Variants in KIAA1549L observed in about 807,000 individuals in gnomAD.
KIAA1549L encodes the protein UPF0606 protein KIAA1549L.
KIAA1549L carries 88 observed loss-of-function variants against 160.7 expected under a neutral mutation model. The observed-to-expected ratio is 0.55, with a 90% CI of 0.46 to 0.65. KIAA1549L has a LOEUF of 0.65. Among genes scored for constraint, KIAA1549L ranks in the 30% least tolerant of loss-of-function variants. The probability of loss-of-function intolerance (pLI) is 0.00; values close to 1 mark genes in which losing one functional copy is unlikely to be tolerated. For missense variants in KIAA1549L, 2,258 were observed against 2,437.5 expected (o/e 0.93, Z 1.55); for synonymous variants, 950 against 976.7 (o/e 0.97, Z 0.51).
rs184055692 is a variant in KIAA1549L at position 33,670,249 on chromosome 11, G to A, written c.*2095G>A. Reference sequence around the variant, plus strand: ...TACTTGGTAAATGCCTGGAAATACTGTATGTGAAAATGATGTTTCAAGATC... The same window carrying A: ...TACTTGGTAAATGCCTGGAAATACTATATGTGAAAATGATGTTTCAAGATC... On this transcript the variant is annotated 3_prime_UTR_variant, in exon 21 of 21. Transcript: ENST00000658780. The A allele has an allele frequency of 6.6e-6, 1 of 152,314 alleles. No individual in the cohort carries two copies. Among genetic ancestry groups the A allele is most frequent in the East Asian group, 1.9e-4 (1 of 5,186 alleles). The allele number at this position is 152,314 out of a possible 1,614,324, so 9.4% of individuals were successfully genotyped here. A position where few individuals can be genotyped will look rare whatever the true frequency, so the allele number is the denominator to read the frequency against.
At chr11:33,540,016 A>G (rs1348594449) in intron 1 of KIAA1549L, among the ~76,000 whole-genome samples, 2 of 152,246 alleles carry the variant, frequency 1.3e-5, no homozygotes, top group African/African-American at 4.8e-5. Flanking sequence ...AAGGTCCAGT[A>G]GAAGCAAATC....
chr11:33,390,557 G>A (rs1478697301), intron 1 of KIAA1549L, among the ~76,000 whole-genome samples: 1 of 152,194 alleles, frequency 6.6e-6, no homozygotes, highest in Admixed American at 6.5e-5. Context: ...AATGGAATTA[G>A]GGAAACTACC....
intron 9 of KIAA1549L, among the ~76,000 whole-genome samples, chr11:33,573,426 A>G (rs981553764): frequency 1.3e-5 from 2 of 152,102 alleles, no homozygotes; most frequent in South Asian, 2.1e-4. Context: ...TTAACTTTAT[A>G]TTTTGTGATT....
intron 15 of KIAA1549L, among the ~76,000 whole-genome samples, chr11:33,612,232 C>T (rs1850665893): frequency 6.6e-6 from 1 of 152,140 alleles, no homozygotes; most frequent in Non-Finnish European, 1.5e-5. Flanking sequence ...TTATTCTTGA[C>T]ACACTCTGCT....
chr11:33,587,291 C>T (rs1283253361), intron 11 of KIAA1549L, among the ~76,000 whole-genome samples: 2 of 152,148 alleles, frequency 1.3e-5, no homozygotes, highest in Admixed American at 6.5e-5. Context: ...ATAGCTACTT[C>T]ATGATATTTT....
rs564756533 is a variant in KIAA1549L, at chr11:33,654,566, T to C, written c.5761-1446T>C. 2.6e-4 allele frequency among the ~76,000 whole-genome samples: 40 copies of C among 152,326 alleles called. 1 individual carries two copies. The highest frequency in any genetic ancestry group is 1.2e-3 in the East Asian group (6 of 5,184). On this transcript the variant is annotated intron_variant, in intron 17 of 20. Transcript: ENST00000658780. ...ATCCTCCCTCCCTAGAAGGGACCAA[T>C]GCTAGCCTCCTTTTGTGTTGGAGGT...
chr11:33,536,928 A>G (rs1478698814), intron 1 of KIAA1549L, among the ~76,000 whole-genome samples: 1 of 152,190 alleles, frequency 6.6e-6, no homozygotes, highest in Non-Finnish European at 1.5e-5. Flanking sequence ...TTTCCAAAAC[A>G]GAAATTTGCT....
intron 8 of KIAA1549L, among the ~76,000 whole-genome samples, chr11:33,563,553 G>A (rs185543909): frequency 3.9e-4 from 60 of 152,156 alleles, no homozygotes; most frequent in African/African-American, 1.4e-3. Context: ...ACTAAGGACT[G>A]TACACCCCTG....
intron 1 of KIAA1549L, among the ~76,000 whole-genome samples, chr11:33,450,094 G>A (rs923008963): frequency 6.6e-6 from 1 of 152,170 alleles, no homozygotes; most frequent in African/African-American, 2.4e-5. Flanking sequence ...AGTTTGTTCA[G>A]TCTGATAACA....
At chr11:33,519,876 C>T (rs958746385) in intron 1 of KIAA1549L, among the ~76,000 whole-genome samples, 1 of 151,962 alleles carries the variant, frequency 6.6e-6, no homozygotes, top group African/African-American at 2.4e-5. Context: ...CCGACCCCAG[C>T]AGTAAGAGGT....
rs1281981004 is a variant in KIAA1549L, at chr11:33,630,301, G to A, written c.5409+11639G>A. Among the ~76,000 whole-genome samples the A allele has an allele frequency of 2.0e-5, 3 of 152,272 alleles. No individual in the cohort carries two copies. The East Asian group carries it at 5.8e-4, about 29-fold the overall frequency. On this transcript the variant is annotated intron_variant, in intron 16 of 20. Transcript: ENST00000658780. ...GGCAGGCCTCCTTGAGCTGTGGTGG[G>A]CTCCACCCAGTTCGAGCTTCCCGGC... is the stretch of plus-strand genomic sequence containing the variant.
intron 1 of KIAA1549L, among the ~76,000 whole-genome samples, chr11:33,520,684 A>AC (rs1853464753): frequency 1.3e-4 from 11 of 84,794 alleles, no homozygotes; most frequent in South Asian, 5.3e-4. Flanking sequence ...CCCCACCCCC[A>AC]ACACACACAC....
intron 1 of KIAA1549L, among the ~76,000 whole-genome samples, chr11:33,450,487 G>A (rs1851697448): frequency 6.6e-6 from 1 of 152,060 alleles, no homozygotes; most frequent in Non-Finnish European, 1.5e-5. Flanking sequence ...TTGAGGCTGG[G>A]AATCTGGGGC....
At chr11:33,607,754 T>C (rs996707136) in intron 14 of KIAA1549L, among the ~76,000 whole-genome samples, 1 of 152,188 alleles carries the variant, frequency 6.6e-6, no homozygotes, top group Admixed American at 6.5e-5. Context: ...CCAGGTATTG[T>C]AAATACGCAG....
At position 33,396,917 on chromosome 11, in the gene KIAA1549L, T is replaced by C. The variant is rs189420325; in HGVS notation, c.238+20028T>C. Reference sequence around the variant, plus strand: ...GTGAGCCGAGGTTGCGCCATTGCACTCCAGCCTTGGTGACAAAGTGAGACT... The same window carrying C: ...GTGAGCCGAGGTTGCGCCATTGCACCCCAGCCTTGGTGACAAAGTGAGACT... On this transcript the variant is annotated intron_variant, in intron 1 of 20. Coordinates refer to ENST00000658780, the MANE Select transcript of KIAA1549L (RefSeq NM_012194.3). Among the ~76,000 whole-genome samples the C allele has an allele frequency of 9.7e-3, 1,439 of 147,822 alleles. 9 individuals are homozygous for C. Among genetic ancestry groups the C allele is most frequent in the Non-Finnish European group, 0.016 (1,055 of 67,166 alleles).
At chr11:33,643,254 A>G (rs774884288) in intron 16 of KIAA1549L, among the ~76,000 whole-genome samples, 12 of 152,072 alleles carry the variant, frequency 7.9e-5, no homozygotes, top group Non-Finnish European at 1.8e-4. Flanking sequence ...GGTAGCACTT[A>G]TGTATGTGTG....
At chr11:33,631,700 A>G (rs1454913954) in intron 16 of KIAA1549L, among the ~76,000 whole-genome samples, 2 of 152,254 alleles carry the variant, frequency 1.3e-5, no homozygotes, top group African/African-American at 2.4e-5. Flanking sequence ...CCTGGCCCCT[A>G]TGCCTATGGG....
intron 6 of KIAA1549L, among the ~76,000 whole-genome samples, chr11:33,559,461 A>G (rs1024872192): frequency 1.6e-4 from 25 of 152,152 alleles, no homozygotes; most frequent in African/African-American, 5.8e-4. Context: ...TCCCTTGATC[A>G]TTCTGGGCCT....
intron 16 of KIAA1549L, among the ~76,000 whole-genome samples, chr11:33,640,861 C>T (rs1851563315): frequency 6.6e-6 from 1 of 152,072 alleles, no homozygotes; most frequent in African/African-American, 2.4e-5. Context: ...CAGAGCTTTT[C>T]AAGAATAGGA....
Sources: gnomAD v4.1 joint callset for allele counts (sites outside exome capture counted in the v4.1 genomes callset) on GRCh38, gnomAD v4.1.1 for gene constraint, MANE v1.5 for transcripts, NCBI Gene and HGNC (gene_info 2026-07-23, HGNC 2026-07-21) for gene names.